Variants in RNF149 observed in about 807,000 individuals in gnomAD.
The protein encoded by RNF149 is ring finger protein 149, also known as E3 ubiquitin-protein ligase RNF149.
A neutral mutation model predicts 39.0 loss-of-function variants in RNF149; 21 were observed. The observed-to-expected ratio is 0.54, with a 90% CI of 0.38 to 0.77. The LOEUF (loss-of-function observed/expected upper bound fraction) is 0.77. Ranked by LOEUF, RNF149 falls within the 30% of genes least tolerant of loss-of-function variation. The pLI, the probability that RNF149 is intolerant of heterozygous loss-of-function variation, is 0.00. For missense variants in RNF149, 493 were observed against 534.9 expected, an observed-to-expected ratio of 0.92 and a Z score of 0.77; for synonymous variants, 209 against 213.6, an observed-to-expected ratio of 0.98 and a Z score of 0.19.
intron 1 of RNF149, among the ~76,000 whole-genome samples, chr2:101,303,077 G>A (rs17025378): frequency 1.3e-5 from 2 of 151,666 alleles, no homozygotes; most frequent in African/African-American, 2.4e-5. Context: ...CCTCTGTGAG[G>A]CTATGAGGTG....
downstream of RNF149, among the ~76,000 whole-genome samples, chr2:101,273,794 A>G (rs923559561): frequency 6.6e-6 from 1 of 151,948 alleles, no homozygotes; most frequent in East Asian, 1.9e-4. Flanking sequence ...TATCATGTTA[A>G]TTTTCATCTA....
intron 1 of RNF149, 118 bp downstream of exon 1, chr2:101,308,011 G>GAGGCCTGAGAGCCGTGCC: frequency 6.8e-7 from 1 of 1,465,442 alleles, no homozygotes; most frequent in African/African-American, 1.5e-5. Flanking sequence ...CCAACAGCCA[G>GAGGCCTGAGAGCCGTGCC]AGGCCTGAGA....
chr2:101,290,523 A>G (rs1220070620), intron 3 of RNF149, among the ~76,000 whole-genome samples: 3 of 152,196 alleles, frequency 2.0e-5, no homozygotes, highest in Non-Finnish European at 2.9e-5. Context: ...AAAATAAACT[A>G]TTTTTCAAAC....
chr2:101,273,136 GGT>G, downstream of RNF149: 3 of 1,353,126 alleles, frequency 2.2e-6, no homozygotes, highest in Middle Eastern at 2.5e-4. Flanking sequence ...CCTGCCAAGT[GGT>G]GTGTGTTTTT....
Position 101,281,933 on chromosome 2 carries a change from G to T in RNF149, c.1085C>A (p.Ala362Asp). The change falls in exon 6 of 7, where the codon GCC (alanine) becomes GAC (aspartate). Residue 362 changes from alanine (A) to aspartate (D), a missense_variant. By Grantham distance (126) the Ala-to-Asp change is moderately radical. Coordinates refer to ENST00000295317, the MANE Select transcript of RNF149 (RefSeq NM_173647.4). ...CTGTGGCTCAGATTCAGCAGGGGAG[G>T]CTGATGGTGGACTGCTGTCATCACT... ...DGSDDSSPPS[A>D]SPAESEPQCD... 6.2e-7 allele frequency: 1 copy of T among 1,613,928 alleles called. No individual in the cohort carries two copies. Among genetic ancestry groups the T allele is most frequent in the Non-Finnish European group, 8.5e-7 (1 of 1,179,880 alleles).
At position 101,308,554 on chromosome 2, in the gene RNF149, G is replaced by A; in HGVS notation, c.35C>T (p.Ala12Val). The change falls in exon 1 of 7, where the codon GCT (alanine) becomes GTT (valine). Residue 12 changes from alanine (A) to valine (V), a missense_variant. Physicochemically the swap from Ala to Val is moderately conservative, Grantham distance 64. Coordinates refer to ENST00000295317, the MANE Select transcript of RNF149 (RefSeq NM_173647.4). ...CAACGCCAGAGCCAACACGCCGCGA[G>A]CCCCGACGCTGGCTTCGCGCCGCCG... ...AWRRREASVG[A>V]RGVLALALLA... The A allele has an allele frequency of 6.3e-7, 1 of 1,587,160 alleles. No individual in the cohort carries two copies. The highest frequency in any genetic ancestry group is 8.5e-7 in the Non-Finnish European group (1 of 1,170,718).
chr2:101,298,843 A>G (rs1184414781), intron 1 of RNF149, among the ~76,000 whole-genome samples: 1 of 152,216 alleles, frequency 6.6e-6, no homozygotes, highest in East Asian at 1.9e-4. Context: ...TACCATGTGC[A>G]CATATTAGCT....
intron 3 of RNF149, among the ~76,000 whole-genome samples, chr2:101,291,128 T>C (rs929900223): frequency 1.8e-4 from 27 of 152,198 alleles, no homozygotes; most frequent in African/African-American, 6.0e-4. Context: ...ATGGAAGCAG[T>C]AAACATTTTA....
At chr2:101,272,084 CTCTG>C (rs1323526218), downstream of RNF149, among the ~76,000 whole-genome samples, 10 of 152,290 alleles carry the variant, frequency 6.6e-5, no homozygotes, top group African/African-American at 2.2e-4. Flanking sequence ...TTTCAGCACC[CTCTG>C]TCTACTAAGA....
In RNF149 at chr2:101,282,815, C is replaced by T. The variant is rs370604544; in HGVS notation, c.961-758G>A. ...TTGCTTCAAGTAAAAACACCACTCA[C>T]GGGCACCCCTCCTCCCTCCACTGGG... is the stretch of plus-strand genomic sequence containing the variant. On this transcript the variant is annotated intron_variant, in intron 5 of 6. Transcript: ENST00000295317. Among the ~76,000 whole-genome samples, 128 of 152,176 alleles carry T rather than the reference C, an allele frequency of 8.4e-4. 1 individual carries two copies. The highest frequency in any genetic ancestry group is 2.5e-3 in the African/African-American group (104 of 41,504).
intron 3 of RNF149, among the ~76,000 whole-genome samples, chr2:101,291,861 A>G (rs1683025057): frequency 6.6e-6 from 1 of 152,234 alleles, no homozygotes; most frequent in South Asian, 2.1e-4. Flanking sequence ...TTTAAAATGT[A>G]AAACTGCAAG....
At chr2:101,278,409 C>G (rs1682434068) in intron 6 of RNF149, among the ~76,000 whole-genome samples, 1 of 152,164 alleles carries the variant, frequency 6.6e-6, no homozygotes, top group Non-Finnish European at 1.5e-5. Flanking sequence ...TCCAAAAGTG[C>G]TAGGATTACA....
Position 101,308,563 on chromosome 2 carries a change from C to T in RNF149, c.26G>A (p.Ser9Asn), listed in dbSNP as rs1322640546. The change falls in exon 1 of 7, where the codon AGC becomes AAC. Residue 9 changes from serine (S) to asparagine (N), a missense_variant. Physicochemically the swap from Ser to Asn is conservative, Grantham distance 46 (BLOSUM62 1). Coordinates refer to ENST00000295317, the MANE Select transcript of RNF149 (RefSeq NM_173647.4). MAWRRREA[S>N]VGARGVLALA... Reference sequence around the variant, plus strand: ...AGCCAACACGCCGCGAGCCCCGACGCTGGCTTCGCGCCGCCGCCACGCCAT... The same window carrying T: ...AGCCAACACGCCGCGAGCCCCGACGTTGGCTTCGCGCCGCCGCCACGCCAT... 2 of 1,578,178 alleles carry T rather than the reference C, an allele frequency of 1.3e-6. No individual in the cohort carries two copies. The highest frequency in any genetic ancestry group is 1.4e-5 in the African/African-American group (1 of 72,476).
chr2:101,275,109 C>CCGG (rs1682280176), downstream of RNF149, among the ~76,000 whole-genome samples: 1 of 82,446 alleles, frequency 1.2e-5, no homozygotes, highest in African/African-American at 4.6e-5. Context: ...CCTAGTATTT[C>CCGG]TGTTTTTTTT....
chr2:101,293,061 T>C (rs965610414), intron 3 of RNF149, among the ~76,000 whole-genome samples: 1 of 150,690 alleles, frequency 6.6e-6, no homozygotes, highest in African/African-American at 2.4e-5. Context: ...AATTGAACTG[T>C]AGTACGAAAA....
Position 101,294,960 on chromosome 2 carries a change from G to A in RNF149, c.682C>T (p.Leu228=). 6.2e-7 allele frequency: 1 copy of A among 1,613,738 alleles called. No homozygotes were observed. The highest frequency in any genetic ancestry group is 8.5e-7 in the Non-Finnish European group (1 of 1,179,712). The change falls in exon 2 of 7, where the codon CTA becomes TTA. Residue 228 remains leucine, a synonymous_variant. Coordinates refer to ENST00000295317, the MANE Select transcript of RNF149 (RefSeq NM_173647.4). ...WLIFYYIQRF[L]YTGSQIGSQS... is the part of the protein sequence containing the mutation. ...CTTCCAATCTGAGAGCCAGTATATAGGAAACGCTGTATATAGTAAAATATT... is the reference window on the plus strand; with the variant it reads ...CTTCCAATCTGAGAGCCAGTATATAAGAAACGCTGTATATAGTAAAATATT...
rs1682333601 is a variant in RNF149, at chr2:101,276,030, T to G, written c.*1208A>C. The G allele has an allele frequency of 1.4e-5, 12 of 872,308 alleles. No homozygotes were observed. Among genetic ancestry groups the G allele is most frequent in the Non-Finnish European group, 1.7e-5 (12 of 727,148 alleles). 54.0% of individuals were successfully genotyped at this position (872,308 alleles called of 1,614,324 possible). A position where few individuals can be genotyped will look rare whatever the true frequency, so the allele number is the denominator to read the frequency against. On this transcript the variant is annotated 3_prime_UTR_variant, in exon 7 of 7. Transcript: ENST00000295317. ...AGCATTAAGTAGCTTGAGAAAATAA[T>G]CTATATAAATCTTTATATCCTACAT...
chr2:101,275,743 C>T lies in RNF149; in HGVS notation c.*1495G>A. On this transcript the variant is annotated 3_prime_UTR_variant, in exon 7 of 7. Coordinates refer to ENST00000295317, the MANE Select transcript of RNF149 (RefSeq NM_173647.4). ...GGCGTGAGCCACCGCGCCCGGCCCT[C>T]CTAGTATTTCTTAAAGACAAAGAGC... The T allele has an allele frequency of 2.1e-6, 2 of 968,318 alleles. No individual in the cohort carries two copies. The highest frequency in any genetic ancestry group is 1.2e-6 in the Non-Finnish European group (1 of 816,184). 60.0% of individuals were successfully genotyped at this position (968,318 alleles called of 1,614,324 possible). A position where few individuals can be genotyped will look rare whatever the true frequency, so the allele number is the denominator to read the frequency against.
At chr2:101,300,609 T>G (rs1025416222) in intron 1 of RNF149, among the ~76,000 whole-genome samples, 1 of 151,970 alleles carries the variant, frequency 6.6e-6, no homozygotes, top group African/African-American at 2.4e-5. Context: ...CCCTAGGGAG[T>G]TTGACACCAG....
Sources: gnomAD v4.1 joint callset for allele counts (sites outside exome capture counted in the v4.1 genomes callset) on GRCh38, gnomAD v4.1.1 for gene constraint, MANE v1.5 for transcripts, NCBI Gene and HGNC (gene_info 2026-07-23, HGNC 2026-07-21) for gene names.